NEK5: variants seen among roughly 807,000 people sequenced by gnomAD.
NEK5 encodes the protein serine/threonine-protein kinase Nek5.
In NEK5, 88 loss-of-function variants were observed where a neutral mutation model predicts 109.2. The observed-to-expected ratio is 0.81, with a 90% CI of 0.68 to 0.96. NEK5 has a LOEUF of 0.96. Among genes scored for constraint, NEK5 ranks in the 40% least tolerant of loss-of-function variants. The pLI is 0.00. For synonymous variants in NEK5, 283 were observed against 299.9 expected, an observed-to-expected ratio of 0.94 and a Z score of 0.58; for missense variants, 834 against 920.7, an observed-to-expected ratio of 0.91 and a Z score of 1.22.
In NEK5 at chr13:52,089,307, A is replaced by C. The variant is rs751732666; in HGVS notation, c.1215T>G (p.Ala405=). Residue 405 remains alanine (A), a synonymous_variant, in exon 14 of 24, where the codon GCT becomes GCG. Coordinates refer to ENST00000684899, the MANE Select transcript of NEK5 (RefSeq NM_001365552.1). Reference sequence around the variant, plus strand: ...CTTCAAATTTTCTCTGAAGGTACTCAGCAGGCCTTAGAAAATAAGAATGTT... The same window carrying C: ...CTTCAAATTTTCTCTGAAGGTACTCCGCAGGCCTTAGAAAATAAGAATGTT... ...RHGPSPSQWP[A]EYLQRKFEAQ... The C allele has an allele frequency of 6.2e-7, 1 of 1,602,056 alleles. No individual in the cohort carries two copies. Among genetic ancestry groups the C allele is most frequent in the South Asian group, 1.1e-5 (1 of 90,230 alleles).
chr13:52,106,753 C>G (rs538131258), intron 8 of NEK5, among the ~76,000 whole-genome samples: 1 of 151,520 alleles, frequency 6.6e-6, no homozygotes, highest in African/African-American at 2.4e-5. Context: ...GATGACAGAG[C>G]CAGACTCCAT....
Position 52,119,350 on chromosome 13 carries a change from G to A in NEK5, c.183C>T (p.Pro61=), listed in dbSNP as rs986847868. ...ATGAATTGAAGAAGGCTACAATGTT[G>A]GGATGTTTCATCTTTTCCAGAAGAA... The part of the protein sequence containing the change: ...EVILLEKMKH[P]NIVAFFNSFQ... Residue 61 remains proline, a synonymous_variant, in exon 4 of 24, where the codon CCC becomes CCT. Transcript: ENST00000684899. 6.2e-7 allele frequency: 1 copy of A among 1,600,842 alleles called. No homozygotes were observed. The highest frequency in any genetic ancestry group is 8.5e-7 in the Non-Finnish European group (1 of 1,170,564).
Position 52,065,616 on chromosome 13 carries a change from G to T in NEK5, c.1850-7C>A, listed in dbSNP as rs1478592544. ...ACAGTCTGCGTGGAAAACCCTGGGT[G>T]TAAGAAAACAACTCATTAATTCGAA... On this transcript the variant is annotated splice_polypyrimidine_tract_variant and splice_region_variant and intron_variant, in intron 20 of 23. Transcript: ENST00000684899. 1 of 1,605,152 alleles carries T rather than the reference G, an allele frequency of 6.2e-7. No homozygotes were observed. Among genetic ancestry groups the T allele is most frequent in the East Asian group, 2.2e-5 (1 of 44,804 alleles).
intron 9 of NEK5, among the ~76,000 whole-genome samples, chr13:52,102,606 T>C (rs114251197): frequency 0.012 from 1,849 of 152,228 alleles, 38 homozygotes; most frequent in African/African-American, 0.043. Flanking sequence ...GGCAAGAGGA[T>C]TGTCTAAGCC....
At chr13:52,125,653 A>G (rs1238569738) in intron 3 of NEK5, among the ~76,000 whole-genome samples, 3 of 152,206 alleles carry the variant, frequency 2.0e-5, no homozygotes, top group Non-Finnish European at 2.9e-5. Context: ...GTAGAGACAG[A>G]GATTTAAGAG....
intron 23 of NEK5, among the ~76,000 whole-genome samples, chr13:52,043,713 T>C (rs1006898528): frequency 6.6e-6 from 1 of 152,108 alleles, no homozygotes; most frequent in African/African-American, 2.4e-5. Flanking sequence ...AGCAAAGATA[T>C]ATAAATAATT....
In NEK5 at chr13:52,042,817, GA is replaced by G. The variant is rs543735818; in HGVS notation, c.2229-5600del. Reference sequence around the variant, plus strand: ...TGTATCTTCAAAATTATTATGGGGGGAAAATTAATATAGAAAAGTTTGTCAA... The same window carrying G: ...TGTATCTTCAAAATTATTATGGGGGGAAATTAATATAGAAAAGTTTGTCAA... On this transcript the variant is annotated intron_variant, in intron 23 of 23. Coordinates refer to ENST00000684899, the MANE Select transcript of NEK5 (RefSeq NM_001365552.1). 5.9e-5 allele frequency among the ~76,000 whole-genome samples: 9 copies of G among 151,822 alleles called. No individual in the cohort carries two copies. The South Asian group carries it at 1.9e-3, about 32-fold the overall frequency.
chr13:52,052,692 A>G (rs1954518264), intron 22 of NEK5, among the ~76,000 whole-genome samples: 1 of 152,188 alleles, frequency 6.6e-6, no homozygotes, highest in Admixed American at 6.5e-5. Flanking sequence ...AAAGATTTAT[A>G]TCTATAAAGG....
intron 13 of NEK5, among the ~76,000 whole-genome samples, chr13:52,092,297 TCA>T (rs1234129374): frequency 2.0e-5 from 3 of 152,164 alleles, no homozygotes; most frequent in Admixed American, 2.0e-4. Context: ...ACAACACTTC[TCA>T]CAGTACATGT....
chr13:52,061,976 A>T (rs1292202322), intron 21 of NEK5, 23 bp from the exon 22 acceptor site: 1 of 393,032 alleles, frequency 2.5e-6, no homozygotes, highest in East Asian at 1.6e-4. Context: ...GTGTTATTAA[A>T]AATAAAAATG....
intron 13 of NEK5, among the ~76,000 whole-genome samples, chr13:52,089,653 C>T (rs865976636): frequency 1.1e-4 from 17 of 152,124 alleles, no homozygotes; most frequent in Admixed American, 5.9e-4. Flanking sequence ...GAAGTTCTCA[C>T]GCTTTGTGTA....
chr13:52,064,053 G>A (rs1259521987), intron 21 of NEK5, among the ~76,000 whole-genome samples: 1 of 141,066 alleles, frequency 7.1e-6, no homozygotes, highest in East Asian at 2.2e-4. Flanking sequence ...GGGAGGTGGG[G>A]GGGTCAGCCC....
Position 52,059,746 on chromosome 13 carries a change from T to C in NEK5, c.2110+2073A>G, listed in dbSNP as rs1365243744. On this transcript the variant is annotated intron_variant, in intron 22 of 23. Coordinates refer to ENST00000684899, the MANE Select transcript of NEK5 (RefSeq NM_001365552.1). ...GCATATTCTCACTCATAGGTGGGAA[T>C]TGAACAATAAGAACACATGGACACA... Among the ~76,000 whole-genome samples, 8 of 151,502 alleles carry C rather than the reference T, an allele frequency of 5.3e-5. No individual in the cohort carries two copies. The South Asian group carries it at 6.3e-4, about 12-fold the overall frequency.
chr13:52,097,688 C>T (rs1955444947), intron 12 of NEK5, among the ~76,000 whole-genome samples: 1 of 152,044 alleles, frequency 6.6e-6, no homozygotes, highest in Non-Finnish European at 1.5e-5. Flanking sequence ...TGACTTGTCT[C>T]AGAGAGACCT....
intron 9 of NEK5, among the ~76,000 whole-genome samples, chr13:52,103,539 C>T (rs1432941556): frequency 6.6e-6 from 1 of 152,238 alleles, no homozygotes; most frequent in African/African-American, 2.4e-5. Context: ...GTAGCAAGCT[C>T]TCCTCAGAAA....
intron 21 of NEK5, among the ~76,000 whole-genome samples, chr13:52,064,218 A>G: frequency 7.8e-6 from 1 of 127,862 alleles, no homozygotes; most frequent in African/African-American, 3.0e-5. Flanking sequence ...CCCGTCCGGG[A>G]GGGAGGTGGG....
At chr13:52,044,779 A>AAT (rs1329419324) in intron 23 of NEK5, among the ~76,000 whole-genome samples, 5 of 152,190 alleles carry the variant, frequency 3.3e-5, no homozygotes, top group African/African-American at 1.2e-4. Flanking sequence ...TTTTGAAAGA[A>AAT]ATATATATAC....
chr13:52,048,536 T>C (rs1010323843), intron 23 of NEK5, among the ~76,000 whole-genome samples: 2 of 152,052 alleles, frequency 1.3e-5, no homozygotes, highest in African/African-American at 2.4e-5. Context: ...AAAAGAGACA[T>C]AGAGAGCTAT....
At chr13:52,098,256 T>G (rs956981260) in intron 12 of NEK5, among the ~76,000 whole-genome samples, 2 of 138,174 alleles carry the variant, frequency 1.4e-5, no homozygotes, top group Non-Finnish European at 3.2e-5. Context: ...AGCAGGACCC[T>G]CTTTCAAATA....
Sources: allele counts gnomAD v4.1 joint callset (sites outside exome capture counted in the v4.1 genomes callset), GRCh38; gene constraint gnomAD v4.1.1; transcripts MANE v1.5; gene names NCBI Gene and HGNC (gene_info 2026-07-23, HGNC 2026-07-21).